The following THEMIS variants were observed in gnomAD, a reference collection of about 807,000 sequenced individuals.
THEMIS encodes the protein protein THEMIS.
In THEMIS, 37 loss-of-function variants were observed where a neutral mutation model predicts 52.6. The ratio of observed to expected loss-of-function variants is 0.70; its 90% CI spans 0.54 to 0.93. The LOEUF is 0.93. Among genes scored for constraint, THEMIS ranks in the 40% least tolerant of loss-of-function variants. THEMIS has a pLI of 0.00. For synonymous variants in THEMIS, 292 were observed against 272.7 expected, an observed-to-expected ratio of 1.07 and a Z score of -0.70; for missense variants, 808 against 763.1, an observed-to-expected ratio of 1.06 and a Z score of -0.69.
intron 3 of THEMIS, among the ~76,000 whole-genome samples, chr6:127,829,150 C>G (rs1001064835): frequency 6.6e-6 from 1 of 152,130 alleles, no homozygotes; most frequent in Non-Finnish European, 1.5e-5. Flanking sequence ...TAAATATGTT[C>G]TATTTTTTAA....
At chr6:127,859,742 T>C (rs1161510031) in intron 1 of THEMIS, among the ~76,000 whole-genome samples, 1 of 152,138 alleles carries the variant, frequency 6.6e-6, no homozygotes, top group Non-Finnish European at 1.5e-5. Context: ...AGTGGTTCTA[T>C]AATATGAATC....
intron 2 of THEMIS, among the ~76,000 whole-genome samples, chr6:127,851,174 T>A (rs1361239344): frequency 2.0e-5 from 3 of 151,388 alleles, no homozygotes; most frequent in Non-Finnish European, 4.4e-5. Flanking sequence ...CATAAGAATA[T>A]AAGAATAATA....
intron 4 of THEMIS, among the ~76,000 whole-genome samples, chr6:127,771,504 C>T (rs1318067531): frequency 3.3e-5 from 5 of 152,128 alleles, no homozygotes; most frequent in Non-Finnish European, 5.9e-5. Flanking sequence ...CACTACCTGA[C>T]GTCAAACTAT....
intron 1 of THEMIS, among the ~76,000 whole-genome samples, chr6:127,860,906 G>A (rs1307240429): frequency 6.6e-6 from 1 of 152,134 alleles, no homozygotes; most frequent in African/African-American, 2.4e-5. Flanking sequence ...GGGCTTACAA[G>A]TGGTTGTCAT....
chr6:127,869,596 T>C (rs1780093426), intron 1 of THEMIS, among the ~76,000 whole-genome samples: 1 of 152,196 alleles, frequency 6.6e-6, no homozygotes, highest in African/African-American at 2.4e-5. Context: ...ATCTCAAACT[T>C]ACAGTAAAGT....
chr6:127,752,252 C>G (rs758715204), intron 4 of THEMIS, among the ~76,000 whole-genome samples: 1 of 148,770 alleles, frequency 6.7e-6, no homozygotes, highest in Non-Finnish European at 1.5e-5. Flanking sequence ...CCTCGAGGAA[C>G]TAGAAAAGAA....
At chr6:127,874,614 A>G (rs1780258980) in intron 1 of THEMIS, among the ~76,000 whole-genome samples, 1 of 152,202 alleles carries the variant, frequency 6.6e-6, no homozygotes, top group African/African-American at 2.4e-5. Flanking sequence ...ATATAAGTGG[A>G]CCCACAAAAT....
intron 5 of THEMIS, among the ~76,000 whole-genome samples, chr6:127,719,104 G>T (rs112498141): frequency 6.9e-4 from 105 of 151,920 alleles, no homozygotes; most frequent in Non-Finnish European, 1.2e-3. Context: ...TAAAATATTG[G>T]CAAGAAACAA....
At chr6:127,710,348 A>G (rs922362351) in intron 5 of THEMIS, among the ~76,000 whole-genome samples, 4 of 151,946 alleles carry the variant, frequency 2.6e-5, no homozygotes, top group African/African-American at 9.7e-5. Context: ...GTAAGGTAGA[A>G]AACTGAGGCC....
intron 2 of THEMIS, among the ~76,000 whole-genome samples, chr6:127,845,647 C>T (rs1779187731): frequency 6.6e-6 from 1 of 151,876 alleles, no homozygotes; most frequent in Non-Finnish European, 1.5e-5. Flanking sequence ...ATCACACTTG[C>T]ATGGTTGTCT....
intron 5 of THEMIS, among the ~76,000 whole-genome samples, chr6:127,712,992 T>A (rs1774033985): frequency 6.6e-6 from 1 of 151,872 alleles, no homozygotes; most frequent in Non-Finnish European, 1.5e-5. Flanking sequence ...TTGTCACTTT[T>A]GGGAAACTTT....
At chr6:127,728,478 C>T (rs1350004427) in intron 4 of THEMIS, among the ~76,000 whole-genome samples, 1 of 152,164 alleles carries the variant, frequency 6.6e-6, no homozygotes, top group Non-Finnish European at 1.5e-5. Context: ...GTAACACTTG[C>T]TTTGCACATC....
intron 4 of THEMIS, among the ~76,000 whole-genome samples, chr6:127,756,491 C>T (rs1038464738): frequency 2.0e-5 from 3 of 152,124 alleles, no homozygotes; most frequent in Non-Finnish European, 4.4e-5. Context: ...AAAACCATTA[C>T]AGAAACCATT....
intron 1 of THEMIS, among the ~76,000 whole-genome samples, chr6:127,857,129 C>T (rs576880398): frequency 4.6e-5 from 7 of 151,194 alleles, no homozygotes; most frequent in African/African-American, 1.7e-4. Context: ...AGATAAAATG[C>T]ATTATTCATT....
At chr6:127,862,538 C>T (rs1453412982) in intron 1 of THEMIS, among the ~76,000 whole-genome samples, 1 of 148,774 alleles carries the variant, frequency 6.7e-6, no homozygotes. Context: ...TCCTACTTCA[C>T]CCTGCCAAGT....
intron 4 of THEMIS, among the ~76,000 whole-genome samples, chr6:127,764,649 T>A (rs1296132500): frequency 6.6e-6 from 1 of 152,054 alleles, no homozygotes; most frequent in African/African-American, 2.4e-5. Context: ...CCTAAAGCAC[T>A]GGCAGTCATT....
intron 4 of THEMIS, among the ~76,000 whole-genome samples, chr6:127,801,434 A>G (rs1360826713): frequency 6.6e-6 from 1 of 152,198 alleles, no homozygotes; most frequent in Non-Finnish European, 1.5e-5. Context: ...AACAAAAGGT[A>G]CATGCACACC....
At chr6:127,820,754 A>G (rs1778310941) in intron 3 of THEMIS, among the ~76,000 whole-genome samples, 1 of 151,990 alleles carries the variant, frequency 6.6e-6, no homozygotes, top group African/African-American at 2.4e-5. Flanking sequence ...GAATTTTTAT[A>G]TTACTCTCTC....
intron 3 of THEMIS, among the ~76,000 whole-genome samples, chr6:127,827,703 C>T (rs755184770): frequency 3.9e-5 from 6 of 152,126 alleles, no homozygotes; most frequent in Non-Finnish European, 8.8e-5. Flanking sequence ...ACATTTTGCT[C>T]TCTGTACTTC....
Sources: gnomAD v4.1 joint callset for allele counts (sites outside exome capture counted in the v4.1 genomes callset) on GRCh38, gnomAD v4.1.1 for gene constraint, MANE v1.5 for transcripts, NCBI Gene and HGNC (gene_info 2026-07-23, HGNC 2026-07-21) for gene names.